Variants in ETFDH observed in about 807,000 individuals in gnomAD.
ETFDH encodes the protein electron transfer flavoprotein-ubiquinone oxidoreductase, mitochondrial.
ETFDH carries 61 observed loss-of-function variants against 73.2 expected under a neutral mutation model. The observed-to-expected ratio is 0.83, with a 90% CI of 0.68 to 1.03. The LOEUF (loss-of-function observed/expected upper bound fraction) is 1.03, where lower values mean the gene tolerates loss of function less well. ETFDH is among the 50% of genes least tolerant of loss of function. The pLI is 0.00. For synonymous variants in ETFDH, 243 were observed against 253.3 expected (o/e 0.96, Z 0.39); for missense variants, 685 against 745.0 (o/e 0.92, Z 0.94).
At chr4:158,672,818 A>G (rs747531911) in intron 1 of ETFDH, among the ~76,000 whole-genome samples, 1 of 152,050 alleles carries the variant, frequency 6.6e-6, no homozygotes, top group Non-Finnish European at 1.5e-5. Context: ...CTAATCTTCA[A>G]ACCTCTGTTG....
chr4:158,678,708 C>T (rs1466390523), intron 1 of ETFDH, among the ~76,000 whole-genome samples: 1 of 149,158 alleles, frequency 6.7e-6, no homozygotes, highest in Non-Finnish European at 1.5e-5. Flanking sequence ...AGTACAGTGA[C>T]GTGGTCCTAG....
intron 4 of ETFDH, 113 bp from the exon 5 acceptor site, chr4:158,684,988 C>G (rs1773964295): frequency 1.4e-6 from 1 of 695,924 alleles, no homozygotes; most frequent in Admixed American, 2.5e-5. Flanking sequence ...GTGTGACCAT[C>G]AATGTAGCAC....
chr4:158,706,749 A>C lies in ETFDH; in HGVS notation c.1589A>C (p.Glu530Ala), dbSNP rs1774632074. The change falls in exon 12 of 13, where the codon GAA (glutamate) becomes GCA (alanine). Residue 530 changes from glutamate to alanine, a missense_variant. Coordinates refer to ENST00000511912, the MANE Select transcript of ETFDH (RefSeq NM_004453.4). ...SSVALSGTNH[E>A]HDQPAHLTLR... ...GTGGCTCTGAGTGGTACTAATCATG[A>C]ACATGACCAGCCGGCACACTTAACC... The C allele has an allele frequency of 1.9e-6, 3 of 1,613,866 alleles. No homozygotes were observed. The highest frequency in any genetic ancestry group is 1.3e-5 in the African/African-American group (1 of 74,918).
At chr4:158,699,178 G>T in intron 9 of ETFDH, 48 bp downstream of exon 9, 1 of 1,462,232 alleles carries the variant, frequency 6.8e-7, no homozygotes, top group South Asian at 1.1e-5. Flanking sequence ...TATAAATTCA[G>T]AATTGAACAT....
intron 5 of ETFDH, among the ~76,000 whole-genome samples, chr4:158,688,323 C>A (rs1012235455): frequency 6.8e-6 from 1 of 147,046 alleles, no homozygotes; most frequent in Non-Finnish European, 1.5e-5. Flanking sequence ...ACCCGGGAGG[C>A]AGAGGTTGCA....
chr4:158,697,652 C>A lies in ETFDH; in HGVS notation c.925C>A (p.Leu309Ile). 1 of 1,613,446 alleles carries A rather than the reference C, an allele frequency of 6.2e-7. No homozygotes were observed. Among genetic ancestry groups the A allele is most frequent in the Non-Finnish European group, 8.5e-7 (1 of 1,179,694 alleles). ...CAGACATACCTATGGAGGATCTTTC[C>A]TCTATCATTTGAATGAAGGTGAACC... ...LDRHTYGGSF[L>I]YHLNEGEPLV... is the part of the protein sequence containing the mutation. The change falls in exon 8 of 13, where the codon CTC becomes ATC. Residue 309 changes from leucine to isoleucine, a missense_variant. Physicochemically the swap from Leu to Ile is conservative, Grantham distance 5. Around this residue, in one of 3 missense-constraint regions of ETFDH, gnomAD observed 405 missense variants for 399.3 expected, o/e 1.01. Transcript: ENST00000511912.
intron 1 of ETFDH, among the ~76,000 whole-genome samples, chr4:158,677,765 A>T (rs1447394542): frequency 1.3e-5 from 2 of 152,142 alleles, no homozygotes; most frequent in African/African-American, 4.8e-5. Context: ...TCCAAAAGGG[A>T]GAGGGTATAA....
Position 158,698,998 on chromosome 4 carries a change from C to G in ETFDH, c.984C>G (p.Asp328Glu). 1 of 1,604,584 alleles carries G rather than the reference C, an allele frequency of 6.2e-7. No homozygotes were observed. Among genetic ancestry groups the G allele is most frequent in the Non-Finnish European group, 8.5e-7 (1 of 1,171,466 alleles). ...TGTAAATTTTTAAGGTTGGTCTAGACTATCAGAATCCATACCTGAGTCCAT... is the reference window on the plus strand; with the variant it reads ...TGTAAATTTTTAAGGTTGGTCTAGAGTATCAGAATCCATACCTGAGTCCAT... The part of the protein sequence containing the change: ...LVALGLVVGL[D>E]YQNPYLSPFR... Residue 328 changes from aspartate (D) to glutamate (E), a missense_variant, in exon 9 of 13, where the codon GAC (aspartate) becomes GAG (glutamate). Coordinates refer to ENST00000511912, the MANE Select transcript of ETFDH (RefSeq NM_004453.4).
intron 5 of ETFDH, 42 bp from the exon 6 acceptor site, chr4:158,690,306 G>T: frequency 9.5e-7 from 1 of 1,049,724 alleles, no homozygotes; most frequent in South Asian, 1.3e-5. Context: ...AGATTATTAT[G>T]AATTCTAAGG....
chr4:158,698,114 T>C (rs1774359335), intron 8 of ETFDH, among the ~76,000 whole-genome samples: 1 of 152,216 alleles, frequency 6.6e-6, no homozygotes, highest in Non-Finnish European at 1.5e-5. Context: ...CCACTGAAAA[T>C]GAAATCAGCA....
chr4:158,686,136 A>AGAGATAGGATTGG (rs1218710625), intron 5 of ETFDH, among the ~76,000 whole-genome samples: 6 of 152,258 alleles, frequency 3.9e-5, no homozygotes. Flanking sequence ...GATAGGATTG[A>AGAGATAGGATTGG]AAGACAGGAG....
chr4:158,690,277 CT>C (rs1467827334), intron 5 of ETFDH, 70 bp from the exon 6 acceptor site: 2 of 842,388 alleles, frequency 2.4e-6, no homozygotes, highest in South Asian at 1.4e-5. Flanking sequence ...AAACCTAAGG[CT>C]GTTTACTGTT....
At position 158,682,288 on chromosome 4, in the gene ETFDH, T is replaced by C. The variant is rs749085653; in HGVS notation, c.269T>C (p.Leu90Ser). The change falls in exon 3 of 13, where the codon TTG becomes TCG. Residue 90 changes from leucine to serine, a missense_variant. This residue lies in a region of ETFDH where 405 missense variants were observed against 399.3 expected (regional missense o/e 1.01). Coordinates refer to ENST00000511912, the MANE Select transcript of ETFDH (RefSeq NM_004453.4). Reference protein sequence around the residue: ...GLSAAVRLKQLAVAHEKDIRV... With the variant: ...GLSAAVRLKQSAVAHEKDIRV... ...TCTGCAGCTGTTCGTCTAAAACAGT[T>C]GGCTGTGGCACATGAAAAGGACATC... 1 of 1,614,086 alleles carries C rather than the reference T, an allele frequency of 6.2e-7. No individual in the cohort carries two copies. The highest frequency in any genetic ancestry group is 1.3e-5 in the African/African-American group (1 of 74,930).
Position 158,682,438 on chromosome 4 carries a change from T to C in ETFDH, c.405+14T>C. 6.3e-7 allele frequency: 1 copy of C among 1,595,136 alleles called. No individual in the cohort carries two copies. The highest frequency in any genetic ancestry group is 8.6e-7 in the Non-Finnish European group (1 of 1,163,074). ...AAAGAGAAGGGGGTATGAAAAATTG[T>C]TTTTTATACAAAGTCTAATCTTTTG... On this transcript the variant is annotated intron_variant, in intron 3 of 12. Transcript: ENST00000511912.
chr4:158,681,639 A>G (rs1049463270), intron 2 of ETFDH: 2 of 156,642 alleles, frequency 1.3e-5, no homozygotes, highest in Admixed American at 1.3e-4. Context: ...CAGATATACC[A>G]TTTTTAAATA....
intron 9 of ETFDH, 27 bp downstream of exon 9, chr4:158,699,157 T>C (rs1453346362): frequency 3.2e-6 from 5 of 1,585,924 alleles, no homozygotes; most frequent in Admixed American, 1.7e-5. Context: ...TTATTTTCCT[T>C]GTTTCTGTAT....
rs1231802914 is a variant in ETFDH at position 158,684,612 on chromosome 4, AACAGAAG to A, written c.432_438del (p.Glu144AspfsTer5). 2.5e-6 allele frequency: 4 copies of A among 1,575,578 alleles called. No homozygotes were observed. The highest frequency in any genetic ancestry group is 3.5e-6 in the Non-Finnish European group (4 of 1,145,178). ...TCTAGGCTCCACTTAACACTCCTGT[AACAGAAG>A]ACAGATTTGGAATTTTAACAGAGAA... is the stretch of plus-strand genomic sequence containing the variant. On this transcript the variant is annotated frameshift_variant, in exon 4 of 13. Transcript: ENST00000511912. LOFTEE classifies it high-confidence loss of function.
intron 12 of ETFDH, among the ~76,000 whole-genome samples, chr4:158,707,790 A>G (rs1183834204): frequency 6.6e-6 from 1 of 152,232 alleles, no homozygotes; most frequent in African/African-American, 2.4e-5. Flanking sequence ...AGTTCTCTAT[A>G]AAGAGAAAAA....
chr4:158,705,835 C>A (rs1204127915), intron 10 of ETFDH, among the ~76,000 whole-genome samples: 1 of 152,208 alleles, frequency 6.6e-6, no homozygotes, highest in Non-Finnish European at 1.5e-5. Flanking sequence ...GATCCCAGCA[C>A]TTTGGGAGGC....
Sources: gnomAD v4.1 joint callset for allele counts (sites outside exome capture counted in the v4.1 genomes callset) on GRCh38, gnomAD v4.1.1 for gene constraint, gnomAD v4.1.1 regional missense constraint, MANE v1.5 for transcripts, NCBI Gene and HGNC (gene_info 2026-07-23, HGNC 2026-07-21) for gene names.